The following DYNC2LI1 variants were observed in gnomAD, a reference collection of about 807,000 sequenced individuals.
DYNC2LI1 encodes the protein cytoplasmic dynein 2 light intermediate chain 1.
Under a neutral mutation model 51.9 loss-of-function variants are expected in DYNC2LI1, and 45 were observed. The ratio of observed to expected loss-of-function variants is 0.87; its 90% CI spans 0.68 to 1.11. The LOEUF is 1.11. Ranked by LOEUF, DYNC2LI1 falls within the 50% of genes most tolerant of loss-of-function variation. The pLI is 0.00. For synonymous variants in DYNC2LI1, 130 were observed against 137.8 expected (o/e 0.94, Z 0.40); for missense variants, 490 against 417.4 (o/e 1.17, Z -1.51).
chr2:43,795,271 C>T (rs1348610001), intron 6 of DYNC2LI1: 25 of 835,910 alleles, frequency 3.0e-5, no homozygotes, highest in Admixed American at 6.2e-5. Flanking sequence ...TTTGGGTGGC[C>T]GAGGCGGGCG....
intron 8 of DYNC2LI1, among the ~76,000 whole-genome samples, chr2:43,800,020 A>G (rs1558691670): frequency 6.6e-6 from 1 of 152,194 alleles, no homozygotes; most frequent in Non-Finnish European, 1.5e-5. Flanking sequence ...TGGAACCATA[A>G]CGCTGATACC....
intron 1 of DYNC2LI1, among the ~76,000 whole-genome samples, chr2:43,775,319 G>T (rs929890432): frequency 2.0e-5 from 3 of 152,130 alleles, no homozygotes; most frequent in Non-Finnish European, 4.4e-5. Flanking sequence ...ATCAGGCTAG[G>T]ACCTATCAGG....
intron 10 of DYNC2LI1, among the ~76,000 whole-genome samples, chr2:43,803,203 C>T (rs1322773957): frequency 6.6e-6 from 1 of 152,114 alleles, no homozygotes; most frequent in Non-Finnish European, 1.5e-5. Flanking sequence ...TTAACTCTCA[C>T]ACAAAAAATC....
At chr2:43,795,191 A>G in intron 6 of DYNC2LI1, 1 of 989,538 alleles carries the variant, frequency 1.0e-6, no homozygotes. Context: ...TGAGAGCAGC[A>G]TTTTATATTA....
chr2:43,805,197 C>T lies in DYNC2LI1; in HGVS notation c.944C>T (p.Pro315Leu), dbSNP rs989894903. 1 of 1,611,862 alleles carries T rather than the reference C, an allele frequency of 6.2e-7. No homozygotes were observed. Among genetic ancestry groups the T allele is most frequent in the East Asian group, 2.2e-5 (1 of 44,792 alleles). Residue 315 changes from proline to leucine, a missense_variant, in exon 12 of 13, where the codon CCT becomes CTT. Coordinates refer to ENST00000260605, the MANE Select transcript of DYNC2LI1 (RefSeq NM_016008.4). ...LKDIKDPARD[P>L]QYAENEVDEM... ...GATATCAAGGACCCTGCGAGAGATC[C>T]TCAGTATGCTGAAAATGAAGTCGAT...
chr2:43,822,592 G>A, the DYNC2LI1 span: 4 of 984,328 alleles, frequency 4.1e-6, no homozygotes, highest in East Asian at 3.4e-4. Flanking sequence ...TTGTTGGTTT[G>A]TTCTCAGGTC....
In DYNC2LI1 at chr2:43,775,854, ATTTTTTTTTTTTTTTT is replaced by A. The variant is rs57868887; in HGVS notation, c.9-913_9-898del. 15 of 50,418 alleles carry A rather than the reference ATTTTTTTTTTTTTTTT, an allele frequency of 3.0e-4. No homozygotes were observed. In the East Asian group the frequency reaches 8.0e-3, roughly 27 times the overall value. 3.1% of individuals were successfully genotyped at this position (50,418 alleles called of 1,614,324 possible). A position where few individuals can be genotyped will look rare whatever the true frequency, so the allele number is the denominator to read the frequency against. ...AGACACCCGCCACCACACCTGGCCA[ATTTTTTTTTTTTTTTT>A]TTTTTTTTTTTTTTAGTAGAGATGG... On this transcript the variant is annotated intron_variant, in intron 1 of 12. Transcript: ENST00000260605.
intron 8 of DYNC2LI1, among the ~76,000 whole-genome samples, chr2:43,796,996 C>T (rs562482509): frequency 6.6e-6 from 1 of 152,324 alleles, no homozygotes; most frequent in South Asian, 2.1e-4. Context: ...TCTCCCCCTT[C>T]TTTGGAACAA....
chr2:43,776,107 A>G (rs1296227374), intron 1 of DYNC2LI1, among the ~76,000 whole-genome samples: 3 of 151,880 alleles, frequency 2.0e-5, no homozygotes, highest in Non-Finnish European at 4.4e-5. Flanking sequence ...ACATATGTAT[A>G]CATGTGCCAT....
downstream of DYNC2LI1, chr2:43,813,265 T>G: frequency 1.2e-6 from 2 of 1,613,938 alleles, no homozygotes; most frequent in Non-Finnish European, 1.7e-6. Flanking sequence ...ATTCCTTGAG[T>G]GAAGGCACAC....
the DYNC2LI1 span, chr2:43,828,160 T>A: frequency 6.2e-7 from 1 of 1,612,604 alleles, no homozygotes; most frequent in South Asian, 1.1e-5. Flanking sequence ...TCTCTGTGGC[T>A]GCTATTTCAA....
At chr2:43,816,518 A>C in the DYNC2LI1 span, among the ~76,000 whole-genome samples, 1 of 152,162 alleles carries the variant, frequency 6.6e-6, no homozygotes, top group Non-Finnish European at 1.5e-5. Context: ...TTGACATGAC[A>C]TTGTCCACAT....
At chr2:43,817,833 A>G in the DYNC2LI1 span, among the ~76,000 whole-genome samples, 1 of 148,542 alleles carries the variant, frequency 6.7e-6, no homozygotes, top group Non-Finnish European at 1.5e-5. Flanking sequence ...TCGCTTGAAC[A>G]TGGGAGGCGG....
At chr2:43,792,798 A>G in intron 5 of DYNC2LI1, 2 of 1,529,972 alleles carry the variant, frequency 1.3e-6, no homozygotes, top group South Asian at 1.2e-5. Flanking sequence ...TAACGTCTTC[A>G]GGGTTCTTCC....
At chr2:43,819,921 A>C in the DYNC2LI1 span, 2 of 1,614,172 alleles carry the variant, frequency 1.2e-6, no homozygotes, top group Non-Finnish European at 1.7e-6. Context: ...TTACCTGAGG[A>C]ATCCAGATCC....
chr2:43,796,000 G>T, intron 7 of DYNC2LI1, 42 bp downstream of exon 7: 2 of 1,403,104 alleles, frequency 1.4e-6, no homozygotes, highest in Non-Finnish European at 2.0e-6. Flanking sequence ...GTACATATAT[G>T]GCTGTGCTTT....
rs780368581 is a variant in DYNC2LI1, at chr2:43,801,695, C to A, written c.788C>A (p.Ser263Tyr). 4 of 1,608,980 alleles carry A rather than the reference C, an allele frequency of 2.5e-6. No individual in the cohort carries two copies. Among genetic ancestry groups the A allele is most frequent in the South Asian group, 1.1e-5 (1 of 90,010 alleles). The change falls in exon 10 of 13, where the codon TCT becomes TAT. Residue 263 changes from serine to tyrosine, a missense_variant. Coordinates refer to ENST00000260605, the MANE Select transcript of DYNC2LI1 (RefSeq NM_016008.4). ...KPLFITAGLD[S>Y]FGQIGSPPVP... ...CTGTTTATCACAGCAGGATTGGATTCTTTCGGTCAAATAGGTTAGTGAACT... is the reference window on the plus strand; with the variant it reads ...CTGTTTATCACAGCAGGATTGGATTATTTCGGTCAAATAGGTTAGTGAACT...
At chr2:43,789,813 C>A in intron 5 of DYNC2LI1, 92 bp downstream of exon 5, 3 of 1,111,970 alleles carry the variant, frequency 2.7e-6, no homozygotes, top group African/African-American at 1.6e-5. Flanking sequence ...AATTTTGGGG[C>A]ACAGTTTTAT....
Position 43,804,841 on chromosome 2 carries a change from T to G in DYNC2LI1, c.900+102T>G, listed in dbSNP as rs2104715446. On this transcript the variant is annotated intron_variant, in intron 11 of 12. Coordinates refer to ENST00000260605, the MANE Select transcript of DYNC2LI1 (RefSeq NM_016008.4). ...ATTATGATAACTTTGTTTTCATCTTTTATGCTCAAAAATCAATTAAACATT... is the reference window on the plus strand; with the variant it reads ...ATTATGATAACTTTGTTTTCATCTTGTATGCTCAAAAATCAATTAAACATT... The G allele has an allele frequency of 7.3e-6, 5 of 684,682 alleles. No homozygotes were observed. The Middle Eastern group carries it at 1.6e-3, about 220-fold the overall frequency. The allele number at this position is 684,682 out of a possible 1,614,324, so 42.4% of individuals were successfully genotyped here. A position where few individuals can be genotyped will look rare whatever the true frequency, so the allele number is the denominator to read the frequency against.
Sources: allele counts gnomAD v4.1 joint callset (sites outside exome capture counted in the v4.1 genomes callset), GRCh38; gene constraint gnomAD v4.1.1; transcripts MANE v1.5; gene names NCBI Gene and HGNC (gene_info 2026-07-23, HGNC 2026-07-21).